The following ASCC3 variants were observed in gnomAD, a reference collection of about 807,000 sequenced individuals.
ASCC3 encodes the protein ASC-1 complex subunit P200.
ASCC3 carries 158 observed loss-of-function variants against 256.3 expected under a neutral mutation model. That is an observed-to-expected ratio of 0.62 (90% CI 0.54 to 0.70). The LOEUF is 0.70. Among genes scored for constraint, ASCC3 ranks in the 30% least tolerant of loss-of-function variants. The probability of loss-of-function intolerance (pLI) is 0.00; values close to 1 mark genes in which losing one functional copy is unlikely to be tolerated. For synonymous variants in ASCC3, 948 were observed against 883.4 expected, an observed-to-expected ratio of 1.07 and a Z score of -1.30; for missense variants, 2,259 against 2,626.0, an observed-to-expected ratio of 0.86 and a Z score of 3.05.
At chr6:100,819,067 A>G (rs1377809752) in intron 4 of ASCC3, among the ~76,000 whole-genome samples, 1 of 152,118 alleles carries the variant, frequency 6.6e-6, no homozygotes, top group Non-Finnish European at 1.5e-5. Flanking sequence ...TGACAAGGAC[A>G]GAAAACCAAA....
intron 1 of ASCC3, among the ~76,000 whole-genome samples, chr6:100,878,252 T>C (rs1471727459): frequency 6.6e-6 from 1 of 152,142 alleles, no homozygotes; most frequent in Admixed American, 6.5e-5. Context: ...ACAAAATATA[T>C]AATGGTTAAA....
At chr6:100,629,204 T>G (rs766026813) in intron 26 of ASCC3, 23 bp from the exon 27 acceptor site, 2 of 1,608,426 alleles carry the variant, frequency 1.2e-6, no homozygotes. Flanking sequence ...ATAACAATGA[T>G]CCCAGAAACT....
At chr6:100,718,020 T>C in intron 12 of ASCC3, 55 bp downstream of exon 12, 1 of 1,554,388 alleles carries the variant, frequency 6.4e-7, no homozygotes, top group South Asian at 1.1e-5. Context: ...CAAACAAGTA[T>C]TCAATAATAA....
chr6:100,678,498 T>C (rs968268126), intron 14 of ASCC3, among the ~76,000 whole-genome samples: 1 of 152,060 alleles, frequency 6.6e-6, no homozygotes, highest in Non-Finnish European at 1.5e-5. Context: ...CAGCTTAACA[T>C]AGAATTTAAA....
At chr6:100,835,342 A>C (rs1582938049) in intron 4 of ASCC3, among the ~76,000 whole-genome samples, 1 of 152,044 alleles carries the variant, frequency 6.6e-6, no homozygotes, top group African/African-American at 2.4e-5. Context: ...ATCCAAAAAA[A>C]CCCTTACACA....
At chr6:100,530,535 T>TAGC in intron 37 of ASCC3, 1 of 784,354 alleles carries the variant, frequency 1.3e-6, no homozygotes. Flanking sequence ...AGATGGTATA[T>TAGC]AGCAGTTCTG....
At chr6:100,649,448 T>G (rs2114908110) in intron 20 of ASCC3, among the ~76,000 whole-genome samples, 1 of 151,614 alleles carries the variant, frequency 6.6e-6, no homozygotes, top group African/African-American at 2.4e-5. Flanking sequence ...AGCTATAGGG[T>G]TTAAAGAATA....
At chr6:100,742,535 G>T (rs1032591627) in intron 10 of ASCC3, among the ~76,000 whole-genome samples, 2 of 152,234 alleles carry the variant, frequency 1.3e-5, no homozygotes, top group Non-Finnish European at 2.9e-5. Flanking sequence ...CCCAGGGAGA[G>T]ATCAGAGCCC....
chr6:100,719,954 T>C (rs1179645734), intron 11 of ASCC3, among the ~76,000 whole-genome samples: 3 of 151,970 alleles, frequency 2.0e-5, no homozygotes, highest in African/African-American at 2.4e-5. Flanking sequence ...AAGTGTATTA[T>C]GAATTTAGTG....
intron 10 of ASCC3, among the ~76,000 whole-genome samples, chr6:100,752,378 T>C (rs1223311670): frequency 6.6e-6 from 1 of 152,086 alleles, no homozygotes; most frequent in African/African-American, 2.4e-5. Context: ...ATTTAAACAG[T>C]TAGACTAGAA....
At chr6:100,753,699 G>GA (rs1312056671) in intron 10 of ASCC3, among the ~76,000 whole-genome samples, 2 of 152,012 alleles carry the variant, frequency 1.3e-5, no homozygotes, top group Non-Finnish European at 2.9e-5. Flanking sequence ...ATCTAGAGGA[G>GA]AAAATTAGAG....
chr6:100,586,279 G>A (rs1377732260), intron 36 of ASCC3, among the ~76,000 whole-genome samples: 1 of 152,180 alleles, frequency 6.6e-6, no homozygotes, highest in Non-Finnish European at 1.5e-5. Flanking sequence ...AAGCAAGCCT[G>A]GGCAATGGCG....
chr6:100,700,821 T>G (rs545388681), intron 13 of ASCC3, among the ~76,000 whole-genome samples: 1 of 152,206 alleles, frequency 6.6e-6, no homozygotes, highest in Non-Finnish European at 1.5e-5. Flanking sequence ...CCCCATTGTA[T>G]CTAGGAAGTA....
intron 13 of ASCC3, among the ~76,000 whole-genome samples, chr6:100,708,604 G>A: frequency 6.6e-6 from 1 of 152,168 alleles, no homozygotes; most frequent in East Asian, 1.9e-4. Context: ...AGCGGGGAGA[G>A]CCACTGGCAT....
intron 37 of ASCC3, chr6:100,531,154 A>G (rs778193927): frequency 8.4e-5 from 62 of 736,396 alleles, no homozygotes; most frequent in Non-Finnish European, 1.3e-4. Context: ...CAATTCTCAC[A>G]ATTCAGACTG....
rs1773845854 is a variant in ASCC3 at position 100,512,938 on chromosome 6, A to G, written c.6076-20T>C. 1 of 1,604,362 alleles carries G rather than the reference A, an allele frequency of 6.2e-7. No homozygotes were observed. Among genetic ancestry groups the G allele is most frequent in the Non-Finnish European group, 8.5e-7 (1 of 1,173,586 alleles). On this transcript the variant is annotated intron_variant, in intron 39 of 41. Transcript: ENST00000369162. ...CCATGCCTAAATAAAAAGAGAAAAG[A>G]AACAATAAAGGAGGAGTTTATGTGA...
intron 10 of ASCC3, among the ~76,000 whole-genome samples, chr6:100,752,387 A>C (rs894857250): frequency 1.3e-5 from 2 of 152,158 alleles, no homozygotes; most frequent in African/African-American, 4.8e-5. Context: ...GTTAGACTAG[A>C]AATTATATAT....
At chr6:100,601,021 T>G (rs1296017637) in intron 34 of ASCC3, among the ~76,000 whole-genome samples, 5 of 152,064 alleles carry the variant, frequency 3.3e-5, no homozygotes, top group Non-Finnish European at 7.4e-5. Context: ...TCTGGCTACA[T>G]TAAACTTTTT....
intron 37 of ASCC3, among the ~76,000 whole-genome samples, chr6:100,539,873 C>T (rs1297990090): frequency 6.6e-6 from 1 of 152,102 alleles, no homozygotes; most frequent in South Asian, 2.1e-4. Context: ...AGTCCGTTAA[C>T]AGAAGGGACT....
Sources: gnomAD v4.1 joint callset for allele counts (sites outside exome capture counted in the v4.1 genomes callset) on GRCh38, gnomAD v4.1.1 for gene constraint, MANE v1.5 for transcripts, NCBI Gene and HGNC (gene_info 2026-07-23, HGNC 2026-07-21) for gene names.